The following PLAC1 variants were observed in gnomAD, a reference collection of about 807,000 sequenced individuals.
PLAC1 encodes the protein placenta-specific protein 1.
For missense variants in PLAC1, 136 were observed against 163.2 expected (o/e 0.83, Z 0.91); for synonymous variants, 68 against 62.1 (o/e 1.09, Z -0.44).
At chrX:134,622,431 A>T (rs1214632613) in intron 1 of PLAC1, among the ~76,000 whole-genome samples, 1 of 111,337 alleles carries the variant, frequency 9.0e-6, no homozygotes, top group African/African-American at 3.3e-5. Flanking sequence ...CTTTAACCAC[A>T]GCTGCTTTCA....
Position 134,652,679 on chromosome X carries a change from A to G in PLAC1, c.-131+5649T>C, listed in dbSNP as rs753887840. Among the ~76,000 whole-genome samples, 3 of 111,297 alleles carry G rather than the reference A, an allele frequency of 2.7e-5. No individual in the cohort carries two copies. The South Asian group carries it at 1.1e-3, about 43-fold the overall frequency. On this transcript the variant is annotated intron_variant, in intron 1 of 2. Coordinates refer to ENST00000359237, the MANE Select transcript of PLAC1 (RefSeq NM_021796.4). ...AATCTCTCTGTGCCTCAGTTTCCAC[A>G]TCTGTAAAATTGGTTAACAATAACA...
At chrX:134,758,640 G>A (rs771827229) in intron 1 of PLAC1, among the ~76,000 whole-genome samples, 1 of 111,588 alleles carries the variant, frequency 9.0e-6, no homozygotes, top group East Asian at 2.8e-4. Context: ...TACAAAAATC[G>A]ACTCAAAATG....
chrX:134,756,961 A>C (rs1039179877), intron 1 of PLAC1, among the ~76,000 whole-genome samples: 1 of 112,071 alleles, frequency 8.9e-6, no homozygotes, highest in African/African-American at 3.2e-5. Flanking sequence ...GTAACAGGTT[A>C]TACAGATTAA....
At chrX:134,581,680 T>C (rs2077975742) in intron 2 of PLAC1, among the ~76,000 whole-genome samples, 1 of 110,022 alleles carries the variant, frequency 9.1e-6, no homozygotes, top group African/African-American at 3.3e-5. Context: ...AGTTTCACCA[T>C]GTTGGCCAGG....
At chrX:134,590,030 C>T (rs1169076746) in intron 2 of PLAC1, among the ~76,000 whole-genome samples, 1 of 43,068 alleles carries the variant, frequency 2.3e-5, no homozygotes, top group Non-Finnish European at 4.4e-5. Context: ...CCCATCTGTA[C>T]TAAAAATACA....
intron 2 of PLAC1, among the ~76,000 whole-genome samples, chrX:134,666,351 C>T (rs1385144685): frequency 9.0e-6 from 1 of 111,135 alleles, no homozygotes; most frequent in Non-Finnish European, 1.9e-5. Context: ...AAGTCCATTG[C>T]CAACTTGCTG....
At chrX:134,708,346 G>A (rs775641253) in intron 2 of PLAC1, among the ~76,000 whole-genome samples, 2 of 111,131 alleles carry the variant, frequency 1.8e-5, no homozygotes, top group South Asian at 3.8e-4. Flanking sequence ...AATCTCCAGG[G>A]AATGAAGAAA....
rs2078289169 is a variant in PLAC1, at chrX:134,637,587, C to T, written c.-131+20741G>A. Among the ~76,000 whole-genome samples, 3 of 111,875 alleles carry T rather than the reference C, an allele frequency of 2.7e-5. No homozygotes were observed. The South Asian group carries it at 1.1e-3, about 42-fold the overall frequency. On this transcript the variant is annotated intron_variant, in intron 1 of 2. Transcript: ENST00000359237. ...TGTAGGCTGGGCACAGTGGCTCATA[C>T]CTGTAATCCCAGCACTTTGGGAAGC...
At chrX:134,703,694 GT>G (rs2078591088) in intron 2 of PLAC1, among the ~76,000 whole-genome samples, 1 of 109,884 alleles carries the variant, frequency 9.1e-6, no homozygotes, top group African/African-American at 3.3e-5. Context: ...TTCTAAAATG[GT>G]GATAATTGAT....
intron 2 of PLAC1, among the ~76,000 whole-genome samples, chrX:134,687,206 G>A (rs2078520178): frequency 9.0e-6 from 1 of 111,544 alleles, no homozygotes; most frequent in African/African-American, 3.3e-5. Flanking sequence ...AAGAGTAACT[G>A]TAAACTTCCT....
chrX:134,605,815 CT>C (rs2124391569), intron 1 of PLAC1: 1 of 112,486 alleles, frequency 8.9e-6, no homozygotes, highest in African/African-American at 3.2e-5. Flanking sequence ...CAGATGTGCC[CT>C]TGTCCTCAAT....
chrX:134,688,440 G>A (rs934383241), intron 2 of PLAC1, among the ~76,000 whole-genome samples: 4 of 112,355 alleles, frequency 3.6e-5, no homozygotes, highest in East Asian at 2.8e-4. Flanking sequence ...CATACAAGGT[G>A]TTCCCAAAGG....
chrX:134,671,113 G>T (rs1451814041), intron 2 of PLAC1, among the ~76,000 whole-genome samples: 1 of 111,941 alleles, frequency 8.9e-6, no homozygotes, highest in Non-Finnish European at 1.9e-5. Context: ...ATAGCCCAGT[G>T]TTATAAGTTT....
At chrX:134,653,552 C>T (rs2078374503) in intron 1 of PLAC1, among the ~76,000 whole-genome samples, 1 of 111,055 alleles carries the variant, frequency 9.0e-6, no homozygotes, top group Non-Finnish European at 1.9e-5. Context: ...CTACCTTGTC[C>T]CAATGCAGAG....
chrX:134,579,519 A>C (rs1485799343), intron 2 of PLAC1, among the ~76,000 whole-genome samples: 2 of 111,981 alleles, frequency 1.8e-5, no homozygotes, highest in African/African-American at 6.5e-5. Flanking sequence ...GACAGAATCA[A>C]CTTTAAAACT....
At chrX:134,682,314 T>C (rs1056580083) in intron 2 of PLAC1, among the ~76,000 whole-genome samples, 2 of 112,202 alleles carry the variant, frequency 1.8e-5, no homozygotes, top group Non-Finnish European at 3.8e-5. Flanking sequence ...ATTTAGTTTG[T>C]CTGGTAGCAG....
intron 2 of PLAC1, among the ~76,000 whole-genome samples, chrX:134,672,265 C>A (rs1219699395): frequency 9.0e-6 from 1 of 111,340 alleles, no homozygotes; most frequent in East Asian, 2.8e-4. Context: ...CATTAGATAA[C>A]CTCGCAGGGT....
At chrX:134,589,305 C>A (rs928491332) in intron 2 of PLAC1, among the ~76,000 whole-genome samples, 2 of 105,719 alleles carry the variant, frequency 1.9e-5, no homozygotes, top group South Asian at 3.8e-4. Flanking sequence ...ATGGTTCCAT[C>A]AACCCCTGGG....
chrX:134,693,394 A>G (rs913698610), intron 2 of PLAC1, among the ~76,000 whole-genome samples: 3 of 112,588 alleles, frequency 2.7e-5, no homozygotes, highest in Non-Finnish European at 3.7e-5. Context: ...ACTTGCTGTA[A>G]TAGTTAATAT....
Sources: gnomAD v4.1 joint callset for allele counts (sites outside exome capture counted in the v4.1 genomes callset) on GRCh38, gnomAD v4.1.1 for gene constraint, MANE v1.5 for transcripts, NCBI Gene and HGNC (gene_info 2026-07-23, HGNC 2026-07-21) for gene names.